Variants in NPAT observed in about 807,000 individuals in gnomAD.
NPAT encodes the protein protein NPAT.
Under a neutral mutation model 130.7 loss-of-function variants are expected in NPAT, and 52 were observed. The ratio of observed to expected loss-of-function variants is 0.40; its 90% confidence interval spans 0.32 to 0.50. The LOEUF is 0.50. Among genes scored for constraint, NPAT ranks in the 20% least tolerant of loss-of-function variants. NPAT has a pLI of 0.68. For synonymous variants in NPAT, 580 were observed against 584.8 expected, an observed-to-expected ratio of 0.99 and a Z score of 0.12; for missense variants, 1,687 against 1,662.6, an observed-to-expected ratio of 1.01 and a Z score of -0.26.
intron 11 of NPAT, 77 bp downstream of exon 11, chr11:108,176,917 T>C (rs564515857): frequency 1.1e-5 from 10 of 894,942 alleles, no homozygotes; most frequent in Admixed American, 1.8e-5. Flanking sequence ...CTGGGGAATG[T>C]TGATTCACTC....
chr11:108,164,938 G>C (rs1017305247), intron 15 of NPAT, among the ~76,000 whole-genome samples: 1 of 152,200 alleles, frequency 6.6e-6, no homozygotes, highest in Non-Finnish European at 1.5e-5. Context: ...TTGAACCCAG[G>C]AGGTGGAGGT....
In NPAT at chr11:108,160,865, A is replaced by G; in HGVS notation, c.4206+15T>C. ...AAAAAAGGTGTGGTTTTGAAATTAAAACTTTCAAACTTGCCTTAATTTTCT... is the reference window on the plus strand; with the variant it reads ...AAAAAAGGTGTGGTTTTGAAATTAAGACTTTCAAACTTGCCTTAATTTTCT... On this transcript the variant is annotated intron_variant, in intron 17 of 17. Transcript: ENST00000278612. 1.9e-6 allele frequency: 3 copies of G among 1,604,194 alleles called. No homozygotes were observed. The highest frequency in any genetic ancestry group is 2.6e-6 in the Non-Finnish European group (3 of 1,173,964).
chr11:108,201,517 G>A (rs75026462), intron 1 of NPAT, among the ~76,000 whole-genome samples: 1,959 of 152,278 alleles, frequency 0.013, 53 homozygotes, highest in African/African-American at 0.044. Flanking sequence ...ATGGCCCAGG[G>A]AGTTCCAACT....
At chr11:108,204,452 C>A (rs1396025809) in intron 1 of NPAT, among the ~76,000 whole-genome samples, 2 of 152,224 alleles carry the variant, frequency 1.3e-5, no homozygotes, top group Non-Finnish European at 2.9e-5. Context: ...ATGTTGAGAG[C>A]TGTTCTGTTG....
chr11:108,173,711 T>G lies in NPAT; in HGVS notation c.1273A>C (p.Lys425Gln). 6.2e-7 allele frequency: 1 copy of G among 1,614,218 alleles called. No individual in the cohort carries two copies. The highest frequency in any genetic ancestry group is 8.5e-7 in the Non-Finnish European group (1 of 1,180,028). ...GGTACAGCTGTTTTAAAGGCCTTTT[T>G]CTGTATGCTGGTACTTATTTGGGAA... ...NFSQISTSIQKKAFKTAVPTE... is the reference protein window; with the variant it reads ...NFSQISTSIQQKAFKTAVPTE... Residue 425 changes from lysine to glutamine, a missense_variant, in exon 13 of 18, where the codon AAA becomes CAA. Lys to Gln is a moderately conservative substitution (Grantham distance 53, BLOSUM62 1). This residue lies in a region of NPAT where 1,379 missense variants were observed against 1,346.6 expected (regional missense o/e 1.02). Coordinates refer to ENST00000278612, the MANE Select transcript of NPAT (RefSeq NM_002519.3).
rs1459549552 is a variant in NPAT, at chr11:108,193,997, CAA to C, written c.175_176del (p.Leu59AspfsTer6). On this transcript the variant is annotated frameshift_variant, in exon 3 of 18. Transcript: ENST00000278612. LOFTEE classifies it high-confidence loss of function. ...CTACATACTCATTTAAAATTGTTGTCAAGTTTTTTCCAAATAAGGACTGAAAA... is the reference window on the plus strand; with the variant it reads ...CTACATACTCATTTAAAATTGTTGTCGTTTTTTCCAAATAAGGACTGAAAA... ...ACLLSLFGKN[L>X]TTILNEYVAM... 1.3e-6 allele frequency: 2 copies of C among 1,559,402 alleles called. No homozygotes were observed. Among genetic ancestry groups the C allele is most frequent in the Non-Finnish European group, 1.8e-6 (2 of 1,131,526 alleles).
At chr11:108,204,723 T>C (rs779657309) in intron 1 of NPAT, among the ~76,000 whole-genome samples, 24 of 152,170 alleles carry the variant, frequency 1.6e-4, no homozygotes, top group Non-Finnish European at 2.5e-4. Context: ...GAATGAGCTG[T>C]TAACACAAAT....
chr11:108,214,834 T>C (rs895089543), intron 1 of NPAT, among the ~76,000 whole-genome samples: 4 of 152,172 alleles, frequency 2.6e-5, no homozygotes, highest in Non-Finnish European at 1.5e-5. Context: ...GGTTTTGCCA[T>C]GTTGGCCAGG....
intron 1 of NPAT, 122 bp downstream of exon 1, chr11:108,222,378 A>AAC (rs2078529313): frequency 9.9e-7 from 1 of 1,012,452 alleles, no homozygotes. Context: ...CGCCAGTCTC[A>AAC]ACTCGTAAGC....
chr11:108,174,577 A>G (rs2077986016), intron 12 of NPAT, among the ~76,000 whole-genome samples: 1 of 150,466 alleles, frequency 6.6e-6, no homozygotes, highest in Admixed American at 6.6e-5. Flanking sequence ...AAAAAAAAAA[A>G]AAAAAAGAGT....
intron 1 of NPAT, among the ~76,000 whole-genome samples, chr11:108,208,263 C>T (rs1246060880): frequency 6.6e-6 from 1 of 152,034 alleles, no homozygotes; most frequent in East Asian, 1.9e-4. Flanking sequence ...GGTATTAAGA[C>T]AAATATTGTT....
chr11:108,206,529 G>A (rs994839977), intron 1 of NPAT, among the ~76,000 whole-genome samples: 1 of 152,140 alleles, frequency 6.6e-6, no homozygotes, highest in East Asian at 1.9e-4. Context: ...CTTCCACTGT[G>A]GGTACTGGGG....
intron 6 of NPAT, among the ~76,000 whole-genome samples, chr11:108,188,595 C>G (rs922903456): frequency 6.6e-6 from 1 of 152,186 alleles, no homozygotes; most frequent in Non-Finnish European, 1.5e-5. Context: ...CTGTTATTAA[C>G]TAGCTTCTTA....
intron 1 of NPAT, 148 bp from the exon 2 acceptor site, chr11:108,197,568 C>A (rs2078235231): frequency 4.4e-6 from 3 of 679,558 alleles, no homozygotes; most frequent in Non-Finnish European, 8.0e-6. Flanking sequence ...AACAGAAACA[C>A]CAGGTTGTGC....
intron 7 of NPAT, among the ~76,000 whole-genome samples, chr11:108,187,275 A>AC (rs1372817750): frequency 6.6e-6 from 1 of 151,826 alleles, no homozygotes; most frequent in East Asian, 1.9e-4. Flanking sequence ...ACAAAGTGAG[A>AC]CCCCCATCTC....
chr11:108,169,306 T>C (rs189802482), intron 15 of NPAT, among the ~76,000 whole-genome samples: 75 of 152,292 alleles, frequency 4.9e-4, no homozygotes, highest in African/African-American at 1.8e-3. Context: ...TTAGAAGCTG[T>C]TAGAAATGAG....
intron 16 of NPAT, 27 bp from the exon 17 acceptor site, chr11:108,162,041 T>C: frequency 6.2e-7 from 1 of 1,610,866 alleles, no homozygotes; most frequent in Non-Finnish European, 8.5e-7. Context: ...CAAAACTATT[T>C]CTAGCAGCAT....
intron 1 of NPAT, among the ~76,000 whole-genome samples, chr11:108,204,982 CTT>C (rs1050657143): frequency 3.9e-5 from 6 of 152,270 alleles, no homozygotes; most frequent in Admixed American, 2.6e-4. Context: ...TGAGAAAAAA[CTT>C]AATCTACACA....
rs1477387118 is a variant in NPAT at position 108,210,375 on chromosome 11, TAGTC to T, written c.37+12121_37+12124del. Among the ~76,000 whole-genome samples, 4 of 152,158 alleles carry T rather than the reference TAGTC, an allele frequency of 2.6e-5. No homozygotes were observed. The East Asian group carries it at 5.8e-4, about 22-fold the overall frequency. On this transcript the variant is annotated intron_variant, in intron 1 of 17. Coordinates refer to ENST00000278612, the MANE Select transcript of NPAT (RefSeq NM_002519.3). ...TCATGCCCTGGTGCTATCCTTGAGA[TAGTC>T]AGTTCTCACAAGACCTGGTCATTTA...
Sources: gnomAD v4.1 joint callset for allele counts (sites outside exome capture counted in the v4.1 genomes callset) on GRCh38, gnomAD v4.1.1 for gene constraint, gnomAD v4.1.1 regional missense constraint, MANE v1.5 for transcripts, NCBI Gene and HGNC (gene_info 2026-07-23, HGNC 2026-07-21) for gene names.